The following CCDC146 variants were observed in gnomAD, a reference collection of about 807,000 sequenced individuals.
CCDC146 encodes the protein coiled-coil domain containing 146.
In CCDC146, 92 loss-of-function variants were observed where a neutral mutation model predicts 119.3. The observed-to-expected ratio is 0.77, with a 90% CI of 0.65 to 0.92. The LOEUF (loss-of-function observed/expected upper bound fraction) is 0.92, where lower values mean the gene tolerates loss of function less well. CCDC146 is among the 40% of genes least tolerant of loss of function. The pLI is 0.00. For synonymous variants in CCDC146, 372 were observed against 371.8 expected, an observed-to-expected ratio of 1.00 and a Z score of -0.01; for missense variants, 1,000 against 1,103.0, an observed-to-expected ratio of 0.91 and a Z score of 1.32.
intron 17 of CCDC146, among the ~76,000 whole-genome samples, chr7:77,292,357 T>C (rs1302710603): frequency 6.7e-6 from 1 of 149,620 alleles, no homozygotes; most frequent in Non-Finnish European, 1.5e-5. Context: ...GGCTCACGCC[T>C]GTAATCCCAG....
At chr7:77,260,455 A>G (rs1793271412) in intron 8 of CCDC146, among the ~76,000 whole-genome samples, 3 of 152,224 alleles carry the variant, frequency 2.0e-5, no homozygotes, top group Non-Finnish European at 4.4e-5. Context: ...TTTTCAGGAT[A>G]TAATCTGTTG....
At chr7:77,220,118 C>A (rs1792373460) in intron 2 of CCDC146, among the ~76,000 whole-genome samples, 1 of 152,152 alleles carries the variant, frequency 6.6e-6, no homozygotes, top group Admixed American at 6.5e-5. Context: ...GAGACCAGGG[C>A]CTATTTCATC....
intron 1 of CCDC146, among the ~76,000 whole-genome samples, chr7:77,166,732 A>G (rs1033320348): frequency 1.3e-5 from 2 of 152,138 alleles, no homozygotes; most frequent in African/African-American, 4.8e-5. Context: ...AAAACTTTTT[A>G]TATATTGGTA....
chr7:77,128,161 ACT>A (rs1441673919), intron 1 of CCDC146, among the ~76,000 whole-genome samples: 1 of 151,352 alleles, frequency 6.6e-6, no homozygotes, highest in African/African-American at 2.4e-5. Context: ...ACATAAACAA[ACT>A]CTGTTTCATG....
chr7:77,203,318 T>C (rs541725768), intron 2 of CCDC146, among the ~76,000 whole-genome samples: 1 of 152,128 alleles, frequency 6.6e-6, no homozygotes, highest in East Asian at 1.9e-4. Context: ...AGCAGTAGGT[T>C]GGGGAGAGTG....
Position 77,153,252 on chromosome 7 carries a change from G to A in CCDC146, c.-11-14406G>A, listed in dbSNP as rs544753206. ...TTCCTAAGCAAACAGATCCATCTAG[G>A]TCCACAGTTCCTACTATCCAGGGTG... On this transcript the variant is annotated intron_variant, in intron 1 of 18. Coordinates refer to ENST00000285871, the MANE Select transcript of CCDC146 (RefSeq NM_020879.3). Among the ~76,000 whole-genome samples the A allele has an allele frequency of 1.5e-4, 23 of 152,308 alleles. No homozygotes were observed. The South Asian group carries it at 4.8e-3, about 32-fold the overall frequency.
intron 1 of CCDC146, among the ~76,000 whole-genome samples, chr7:77,142,860 G>T (rs913258633): frequency 6.6e-6 from 1 of 151,330 alleles, no homozygotes; most frequent in Admixed American, 6.6e-5. Flanking sequence ...TTGTGAATAG[G>T]GCTGCAATAA....
chr7:77,283,961 C>A (rs1793806106), intron 15 of CCDC146, among the ~76,000 whole-genome samples: 1 of 152,100 alleles, frequency 6.6e-6, no homozygotes, highest in African/African-American at 2.4e-5. Flanking sequence ...AGATTGAGAT[C>A]GATTGGCTAG....
chr7:77,252,915 C>T (rs997926710), intron 4 of CCDC146, among the ~76,000 whole-genome samples: 2 of 152,220 alleles, frequency 1.3e-5, no homozygotes, highest in Admixed American at 6.5e-5. Context: ...CACTCACCTT[C>T]CTTGGGCAAA....
chr7:77,229,603 G>C (rs896120837), intron 2 of CCDC146, among the ~76,000 whole-genome samples: 1 of 152,110 alleles, frequency 6.6e-6, no homozygotes, highest in African/African-American at 2.4e-5. Flanking sequence ...GTTTTTGTCA[G>C]GTTTGTCAAA....
intron 1 of CCDC146, among the ~76,000 whole-genome samples, chr7:77,146,463 T>G (rs2117433317): frequency 6.6e-6 from 1 of 152,320 alleles, no homozygotes; most frequent in Non-Finnish European, 1.5e-5. Flanking sequence ...TGATGTTGGC[T>G]GGTTACTTTG....
At chr7:77,175,851 G>T (rs1791491592) in intron 2 of CCDC146, among the ~76,000 whole-genome samples, 1 of 151,160 alleles carries the variant, frequency 6.6e-6, no homozygotes, top group African/African-American at 2.5e-5. Context: ...TAGATACCAT[G>T]AGAATTTATG....
chr7:77,274,866 C>A (rs548963690), intron 11 of CCDC146, among the ~76,000 whole-genome samples: 1 of 151,840 alleles, frequency 6.6e-6, no homozygotes, highest in Non-Finnish European at 1.5e-5. Flanking sequence ...CATCACACAC[C>A]GGGGCCTGTT....
Position 77,282,582 on chromosome 7 carries a change from G to A in CCDC146, c.1945G>A (p.Glu649Lys). Residue 649 changes from glutamate to lysine, a missense_variant, in exon 15 of 19, where the codon GAA becomes AAA. By Grantham distance (56) the Glu-to-Lys change is moderately conservative. Coordinates refer to ENST00000285871, the MANE Select transcript of CCDC146 (RefSeq NM_020879.3). Reference protein sequence around the residue: ...ESGVQLIEREEEICIFYEKIN... With the variant: ...ESGVQLIEREKEICIFYEKIN... Reference sequence around the variant, plus strand: ...TGGCGTTCAGCTGATAGAGCGGGAAGAAGAAATATGCATTTTTTATGAAAA... The same window carrying A: ...TGGCGTTCAGCTGATAGAGCGGGAAAAAGAAATATGCATTTTTTATGAAAA... 6.2e-7 allele frequency: 1 copy of A among 1,610,070 alleles called. No homozygotes were observed. Among genetic ancestry groups the A allele is most frequent in the Non-Finnish European group, 8.5e-7 (1 of 1,178,018 alleles).
At chr7:77,279,169 C>T (rs1793715361) in intron 13 of CCDC146, 68 bp downstream of exon 13, 3 of 1,543,148 alleles carry the variant, frequency 1.9e-6, no homozygotes, top group African/African-American at 2.8e-5. Context: ...TCTAAAAATC[C>T]TGGGGATAAG....
At chr7:77,172,311 G>A (rs1482618851) in intron 2 of CCDC146, among the ~76,000 whole-genome samples, 1 of 152,054 alleles carries the variant, frequency 6.6e-6, no homozygotes, top group African/African-American at 2.4e-5. Flanking sequence ...TCCTTCAGTT[G>A]TCTTTGTCTT....
rs566142776 is a variant in CCDC146, at chr7:77,293,219, A to G, written c.2664+19A>G. 2.5e-6 allele frequency: 4 copies of G among 1,610,938 alleles called. No homozygotes were observed. Among genetic ancestry groups the G allele is most frequent in the South Asian group, 1.1e-5 (1 of 90,804 alleles). ...GTCTCAGGTAGGCTTTGGCTCCTGT[A>G]TTGCATTTCTAAAGGGTGCCAGCAG... On this transcript the variant is annotated intron_variant, in intron 18 of 18. Transcript: ENST00000285871.
intron 9 of CCDC146, among the ~76,000 whole-genome samples, chr7:77,272,902 G>A (rs564498700): frequency 6.6e-6 from 1 of 152,294 alleles, no homozygotes; most frequent in East Asian, 1.9e-4. Flanking sequence ...TTTCTTTTGT[G>A]TAAGAAATTT....
intron 2 of CCDC146, among the ~76,000 whole-genome samples, chr7:77,225,866 C>T (rs529619947): frequency 2.4e-4 from 37 of 152,154 alleles, no homozygotes; most frequent in Non-Finnish European, 2.9e-4. Flanking sequence ...TCGCTTGAAC[C>T]CTGGAGGCGG....
Sources: allele counts gnomAD v4.1 joint callset (sites outside exome capture counted in the v4.1 genomes callset), GRCh38; gene constraint gnomAD v4.1.1; transcripts MANE v1.5; gene names NCBI Gene and HGNC (gene_info 2026-07-23, HGNC 2026-07-21).